The following B4GALNT3 variants were observed in gnomAD, a reference collection of about 807,000 sequenced individuals.
B4GALNT3 encodes the protein beta-1,4-N-acetylgalactosaminyltransferase 3.
B4GALNT3 carries 86 observed loss-of-function variants against 120.2 expected under a neutral mutation model. The ratio of observed to expected loss-of-function variants is 0.72; its 90% confidence interval spans 0.60 to 0.86. The LOEUF is 0.86. B4GALNT3 is among the 40% of genes least tolerant of loss of function. The probability of loss-of-function intolerance (pLI) is 0.00; values close to 1 mark genes in which losing one functional copy is unlikely to be tolerated. For missense variants in B4GALNT3, 1,167 were observed against 1,298.9 expected, an observed-to-expected ratio of 0.90 and a Z score of 1.56; for synonymous variants, 518 against 510.4, an observed-to-expected ratio of 1.01 and a Z score of -0.20.
At chr12:533,110 A>G (rs12321528) in intron 1 of B4GALNT3, among the ~76,000 whole-genome samples, 5,913 of 152,270 alleles carry the variant, frequency 0.039, 245 homozygotes, top group African/African-American at 0.11. Context: ...AGTGTAACTC[A>G]TGTGTCACCC....
rs1947096376 is a variant in B4GALNT3, at chr12:552,473, C to A, written c.1215C>A (p.Ser405Arg). Reference protein sequence around the residue: ...QENAYYQDRFSFQEYIKIDQP... With the variant: ...QENAYYQDRFRFQEYIKIDQP... ...ACCTCCCTTCCTCCTGCAGGTTCAG[C>A]TTTCAGGAGTACATCAAGATTGACC... The change falls in exon 13 of 20, where the codon AGC (serine) becomes AGA (arginine). Residue 405 changes from serine (S) to arginine (R), a missense_variant. Around this residue, in one of 3 missense-constraint regions of B4GALNT3, gnomAD observed 983 missense variants for 1,102.5 expected, o/e 0.89. Transcript: ENST00000266383. The A allele has an allele frequency of 2.4e-5, 39 of 1,613,784 alleles. No homozygotes were observed. The highest frequency in any genetic ancestry group is 3.3e-5 in the Admixed American group (2 of 59,998).
chr12:560,802 T>G (rs1313751284), intron 19 of B4GALNT3, among the ~76,000 whole-genome samples: 1 of 152,180 alleles, frequency 6.6e-6, no homozygotes, highest in Non-Finnish European at 1.5e-5. Context: ...TCGGCCACTC[T>G]CAGCCCTGCC....
At chr12:469,299 T>C (rs982626922) in intron 1 of B4GALNT3, among the ~76,000 whole-genome samples, 1 of 152,192 alleles carries the variant, frequency 6.6e-6, no homozygotes, top group Non-Finnish European at 1.5e-5. Flanking sequence ...CCGTAGAACT[T>C]TCCTTATGAC....
At chr12:461,086 A>G (rs1421687961) in intron 1 of B4GALNT3, among the ~76,000 whole-genome samples, 1 of 152,004 alleles carries the variant, frequency 6.6e-6, no homozygotes, top group Non-Finnish European at 1.5e-5. Flanking sequence ...CATACCTCGG[A>G]GAGTCCCGTC....
intron 1 of B4GALNT3, among the ~76,000 whole-genome samples, chr12:477,003 G>A (rs1044542437): frequency 7.2e-5 from 11 of 152,164 alleles, no homozygotes; most frequent in African/African-American, 2.4e-4. Flanking sequence ...ACTACAAATT[G>A]ACTTGAGCTG....
chr12:544,739 G>T, intron 4 of B4GALNT3, 143 bp from the exon 5 acceptor site: 1 of 783,306 alleles, frequency 1.3e-6, no homozygotes, highest in Non-Finnish European at 2.0e-6. Flanking sequence ...AATGGGAACT[G>T]AAATTGAGCC....
rs748180810 is a variant in B4GALNT3, at chr12:557,981, G to A, written c.2535-35G>A. ...TCCTCCAGGGGACCACCGCAGCTGA[G>A]TCCTGATACGCAGCCCTCTCTCCCC... is the stretch of plus-strand genomic sequence containing the variant. On this transcript the variant is annotated intron_variant, in intron 16 of 19. Transcript: ENST00000266383. 1.1e-5 allele frequency: 18 copies of A among 1,609,074 alleles called. No individual in the cohort carries two copies. In the Admixed American group the frequency reaches 2.8e-4, roughly 25 times the overall value.
rs1047770446 is a variant in B4GALNT3, at chr12:550,005, A to G, written c.997+93A>G. The stretch of plus-strand genomic sequence containing the variant: ...TGGAGAAGGCTTGAGAGACCTGCCA[A>G]GTATCCCAATCACCGTAGAACTTTT... On this transcript the variant is annotated intron_variant, in intron 10 of 19. Coordinates refer to ENST00000266383, the MANE Select transcript of B4GALNT3 (RefSeq NM_173593.4). The surrounding 1 kb of genome is among the most constrained non-coding windows in gnomAD (Gnocchi z 4.1). The G allele has an allele frequency of 3.6e-6, 5 of 1,385,946 alleles. No individual in the cohort carries two copies. Among genetic ancestry groups the G allele is most frequent in the Admixed American group, 4.5e-5 (2 of 44,874 alleles). 85.9% of individuals were successfully genotyped at this position (1,385,946 alleles called of 1,614,324 possible). A position where few individuals can be genotyped will look rare whatever the true frequency, so the allele number is the denominator to read the frequency against.
intron 1 of B4GALNT3, among the ~76,000 whole-genome samples, chr12:512,499 TCTACCTTCTGC>T (rs1365117833): frequency 8.6e-6 from 1 of 116,198 alleles, no homozygotes; most frequent in East Asian, 3.2e-4. Context: ...CCTTCCACCT[TCTACCTTCTGC>T]CTTCCACCTT....
chr12:510,558 A>G (rs1041922844), intron 1 of B4GALNT3, among the ~76,000 whole-genome samples: 3 of 147,724 alleles, frequency 2.0e-5, no homozygotes, highest in African/African-American at 5.0e-5. Flanking sequence ...CTCATGCCCA[A>G]GGGTGCAATG....
chr12:489,402 A>G (rs1392946002), intron 1 of B4GALNT3, among the ~76,000 whole-genome samples: 1 of 152,118 alleles, frequency 6.6e-6, no homozygotes, highest in Admixed American at 6.5e-5. Flanking sequence ...AGGGCAATAC[A>G]TAGACAATAG....
intron 11 of B4GALNT3, among the ~76,000 whole-genome samples, 198 bp from the exon 12 acceptor site, chr12:551,865 A>G (rs756502): frequency 0.43 from 64,420 of 151,564 alleles, 14,080 homozygotes; most frequent in South Asian, 0.53. Context: ...TGGGATCACT[A>G]GCATAACAAG....
At chr12:557,856 A>G in intron 16 of B4GALNT3, 95 bp downstream of exon 16, 1 of 1,497,078 alleles carries the variant, frequency 6.7e-7, no homozygotes, top group Non-Finnish European at 9.1e-7. Context: ...AGTCCTGCCC[A>G]GCCTTCCTGA....
chr12:511,406 T>TCCACCTTCCA (rs1346138600), intron 1 of B4GALNT3, among the ~76,000 whole-genome samples: 1 of 70,758 alleles, frequency 1.4e-5, no homozygotes, highest in Non-Finnish European at 2.7e-5. Context: ...TCTTCCACCT[T>TCCACCTTCCA]CCTTCCACCT....
chr12:491,918 TGTG>T (rs934801383), intron 1 of B4GALNT3, among the ~76,000 whole-genome samples: 4 of 150,944 alleles, frequency 2.6e-5, no homozygotes, highest in East Asian at 3.9e-4. Context: ...ATTAGCCAGG[TGTG>T]GTGGTGGGTG....
At chr12:499,480 A>G (rs564978653) in intron 1 of B4GALNT3, among the ~76,000 whole-genome samples, 3 of 135,706 alleles carry the variant, frequency 2.2e-5, no homozygotes, top group East Asian at 2.2e-4. Context: ...TATCTAGAAC[A>G]CTCCTAGCCC....
At chr12:545,824 GGA>G (rs1946995553) in intron 6 of B4GALNT3, among the ~76,000 whole-genome samples, 2 of 78,300 alleles carry the variant, frequency 2.6e-5, no homozygotes, top group African/African-American at 6.2e-5. Context: ...GGAGGAGCGA[GGA>G]GTGGGGAGGT....
rs1410658821 is a variant in B4GALNT3, at chr12:562,567, T to A, written c.*1116T>A. ...GGGCGGGATGAGAGGTTTGGGGAGG[T>A]GAGGACATTGCCCTGAGATATCCCC... On this transcript the variant is annotated 3_prime_UTR_variant, in exon 20 of 20. Coordinates refer to ENST00000266383, the MANE Select transcript of B4GALNT3 (RefSeq NM_173593.4). The surrounding 1 kb of genome is among the most constrained non-coding windows in gnomAD (Gnocchi z 5.2). 7.1e-6 allele frequency: 1 copy of A among 140,136 alleles called. No individual in the cohort carries two copies. 8.7% of individuals were successfully genotyped at this position (140,136 alleles called of 1,614,324 possible). A position where few individuals can be genotyped will look rare whatever the true frequency, so the allele number is the denominator to read the frequency against.
At chr12:529,535 G>A (rs995581140) in intron 1 of B4GALNT3, among the ~76,000 whole-genome samples, 2 of 152,244 alleles carry the variant, frequency 1.3e-5, no homozygotes, top group Non-Finnish European at 2.9e-5. Context: ...TAGATCAGCA[G>A]ATGATTGGAA....
Sources: gnomAD v4.1 joint callset for allele counts (sites outside exome capture counted in the v4.1 genomes callset) on GRCh38, gnomAD v4.1.1 for gene constraint, gnomAD v4.1.1 regional missense constraint, Gnocchi (gnomAD v3.1) non-coding constraint, MANE v1.5 for transcripts, NCBI Gene and HGNC (gene_info 2026-07-23, HGNC 2026-07-21) for gene names.